Variants in ZNF644 observed in about 807,000 individuals in gnomAD.
ZNF644 encodes the protein zinc finger motif enhancer binding protein 2.
A neutral mutation model predicts 108.0 loss-of-function variants in ZNF644; 20 were observed. The ratio of observed to expected loss-of-function variants is 0.19; its 90% confidence interval spans 0.13 to 0.27. The LOEUF is 0.27. Ranked by LOEUF, ZNF644 falls within the 10% of genes least tolerant of loss-of-function variation. The pLI, the probability that ZNF644 is intolerant of heterozygous loss-of-function variation, is 1.00. For synonymous variants in ZNF644, 542 were observed against 539.1 expected, an observed-to-expected ratio of 1.01 and a Z score of -0.08; for missense variants, 1,338 against 1,548.9, an observed-to-expected ratio of 0.86 and a Z score of 2.29.
chr1:90,965,457 C>T lies in ZNF644; in HGVS notation c.44+16853G>A, dbSNP rs146615084. Reference sequence around the variant, plus strand: ...TTCAACTTGATTACCTCTATAAAGACCCTATATTTCCAAGTGAGGTTATAG... The same window carrying T: ...TTCAACTTGATTACCTCTATAAAGATCCTATATTTCCAAGTGAGGTTATAG... On this transcript the variant is annotated intron_variant, in intron 2 of 5. Transcript: ENST00000337393. Among the ~76,000 whole-genome samples, 7 of 152,214 alleles carry T rather than the reference C, an allele frequency of 4.6e-5. No homozygotes were observed. The East Asian group carries it at 1.4e-3, about 29-fold the overall frequency.
intron 4 of ZNF644, among the ~76,000 whole-genome samples, chr1:90,933,647 G>C (rs894920066): frequency 4.7e-5 from 7 of 147,548 alleles, no homozygotes; most frequent in Non-Finnish European, 9.0e-5. Context: ...CTGGGTGACA[G>C]AGCGAGACTC....
At chr1:90,941,583 T>C (rs1421907307) in intron 2 of ZNF644, among the ~76,000 whole-genome samples, 2 of 151,880 alleles carry the variant, frequency 1.3e-5, no homozygotes, top group Non-Finnish European at 2.9e-5. Flanking sequence ...ACAAACACAC[T>C]AGGGAAAAGC....
chr1:90,992,766 G>A (rs985955866), intron 1 of ZNF644, among the ~76,000 whole-genome samples: 8 of 152,152 alleles, frequency 5.3e-5, no homozygotes, highest in East Asian at 1.9e-4. Flanking sequence ...GAGGTGGTCC[G>A]CCAGGTGCAG....
At chr1:90,927,764 T>A (rs1397265027) in intron 4 of ZNF644, among the ~76,000 whole-genome samples, 1 of 152,142 alleles carries the variant, frequency 6.6e-6, no homozygotes. Flanking sequence ...AATATAAGTT[T>A]AACCATACCA....
chr1:90,986,035 G>C (rs1032423583), intron 1 of ZNF644, among the ~76,000 whole-genome samples: 4 of 152,030 alleles, frequency 2.6e-5, no homozygotes, highest in Non-Finnish European at 4.4e-5. Flanking sequence ...ATGATAGAAA[G>C]TATTTTAAAA....
At position 90,937,776 on chromosome 1, in the gene ZNF644, T is replaced by C; in HGVS notation, c.3397A>G (p.Lys1133Glu). The change falls in exon 4 of 6, where the codon AAG (lysine) becomes GAG (glutamate). Residue 1133 changes from lysine (K) to glutamate (E), a missense_variant. Lys to Glu is a moderately conservative substitution (Grantham distance 56). This residue lies in a region of ZNF644 where 287 missense variants were observed against 310.9 expected (regional missense o/e 0.92). Transcript: ENST00000337393. The stretch of plus-strand genomic sequence containing the variant: ...GCAGACACTGACAGAGCTTCAGTCT[T>C]TAGGCCATTACGGTATGCTTCAAGA... ...IPLEAYRNGL[K>E]TEALSVSASE... The C allele has an allele frequency of 6.2e-7, 1 of 1,613,906 alleles. No individual in the cohort carries two copies. The highest frequency in any genetic ancestry group is 1.3e-5 in the African/African-American group (1 of 75,048).
intron 2 of ZNF644, among the ~76,000 whole-genome samples, chr1:90,962,271 T>C (rs1654407973): frequency 6.6e-6 from 1 of 151,944 alleles, no homozygotes; most frequent in African/African-American, 2.4e-5. Context: ...TGCCATGTAA[T>C]TAAAACACCA....
chr1:90,982,638 T>C (rs1487818332), intron 1 of ZNF644, among the ~76,000 whole-genome samples: 2 of 152,016 alleles, frequency 1.3e-5, no homozygotes, highest in East Asian at 3.9e-4. Context: ...TAAAAAAAAT[T>C]CTAAATTGTT....
intron 2 of ZNF644, among the ~76,000 whole-genome samples, chr1:90,959,287 A>G (rs1435864218): frequency 6.6e-6 from 1 of 152,212 alleles, no homozygotes; most frequent in Admixed American, 6.5e-5. Context: ...ATGTAGAGAA[A>G]CAGAGACCCT....
chr1:90,995,643 A>G (rs1658078234), intron 1 of ZNF644, among the ~76,000 whole-genome samples: 1 of 152,192 alleles, frequency 6.6e-6, no homozygotes, highest in African/African-American at 2.4e-5. Flanking sequence ...CCAAAGAAAA[A>G]TGACTGGTTA....
intron 1 of ZNF644, among the ~76,000 whole-genome samples, chr1:91,013,526 T>A (rs1660167279): frequency 6.6e-6 from 1 of 151,260 alleles, no homozygotes; most frequent in Admixed American, 6.6e-5. Flanking sequence ...CCAAATTCCC[T>A]AAACTGGATT....
intron 2 of ZNF644, among the ~76,000 whole-genome samples, chr1:90,954,816 G>A (rs551326641): frequency 7.2e-5 from 11 of 152,226 alleles, no homozygotes; most frequent in East Asian, 5.8e-4. Flanking sequence ...GGTTGAAATC[G>A]ACTTCTTCCA....
chr1:90,976,918 T>C (rs1656069974), intron 2 of ZNF644, among the ~76,000 whole-genome samples: 1 of 152,014 alleles, frequency 6.6e-6, no homozygotes, highest in Admixed American at 6.5e-5. Flanking sequence ...TATTAAAAAA[T>C]ACCAAAATAT....
At chr1:90,988,856 CCTTA>C (rs1489320044) in intron 1 of ZNF644, among the ~76,000 whole-genome samples, 2 of 152,174 alleles carry the variant, frequency 1.3e-5, no homozygotes, top group East Asian at 3.9e-4. Flanking sequence ...GAAGTCGGAC[CCTTA>C]CTTACACCAC....
chr1:90,986,475 T>C (rs994809102), intron 1 of ZNF644, among the ~76,000 whole-genome samples: 1 of 152,088 alleles, frequency 6.6e-6, no homozygotes, highest in African/African-American at 2.4e-5. Context: ...CTTTAGTTAA[T>C]AATAATGTGT....
At chr1:90,964,468 C>G (rs984649770) in intron 2 of ZNF644, among the ~76,000 whole-genome samples, 2 of 152,032 alleles carry the variant, frequency 1.3e-5, no homozygotes, top group Non-Finnish European at 2.9e-5. Context: ...TTTTATATTC[C>G]ATGACATTTT....
rs1483085400 is a variant in ZNF644, at chr1:90,916,973, A to T, written c.3809T>A (p.Phe1270Tyr). 1 of 1,614,120 alleles carries T rather than the reference A, an allele frequency of 6.2e-7. No individual in the cohort carries two copies. Among genetic ancestry groups the T allele is most frequent in the Non-Finnish European group, 8.5e-7 (1 of 1,180,038 alleles). Residue 1270 changes from phenylalanine to tyrosine, a missense_variant, in exon 6 of 6, where the codon TTT (phenylalanine) becomes TAT (tyrosine). By Grantham distance (22) the Phe-to-Tyr change is conservative. Coordinates refer to ENST00000337393, the MANE Select transcript of ZNF644 (RefSeq NM_201269.3). ...ILRCRFCGLVFRGPLSVQEDW... is the reference protein window; with the variant it reads ...ILRCRFCGLVYRGPLSVQEDW... ...TTCCTGAACAGACAAGGGTCCTCGA[A>T]AGACTAGGCCACAAAACCTACAGAA...
Position 90,939,105 on chromosome 1 carries a change from A to G in ZNF644, c.2249T>C (p.Ile750Thr), listed in dbSNP as rs754778635. Residue 750 changes from isoleucine (I) to threonine (T), a missense_variant, in exon 3 of 6, where the codon ATC (isoleucine) becomes ACC (threonine). Transcript: ENST00000337393. Reference protein sequence around the residue: ...YRHKYENYRMIKKSGESYPVH... With the variant: ...YRHKYENYRMTKKSGESYPVH... ...AGGATATGATTCACCTGATTTTTTG[A>G]TCATCCTATAGTTTTCATATTTGTG... 56 of 1,613,804 alleles carry G rather than the reference A, an allele frequency of 3.5e-5. No individual in the cohort carries two copies. Among genetic ancestry groups the G allele is most frequent in the Non-Finnish European group, 4.7e-5 (55 of 1,179,906 alleles).
chr1:91,003,691 A>G (rs1406425656), intron 1 of ZNF644, among the ~76,000 whole-genome samples: 1 of 152,072 alleles, frequency 6.6e-6, no homozygotes, highest in Non-Finnish European at 1.5e-5. Context: ...TAATATCAAA[A>G]AAAAATACAA....
Sources: allele counts gnomAD v4.1 joint callset (sites outside exome capture counted in the v4.1 genomes callset), GRCh38; gene constraint gnomAD v4.1.1; regional missense constraint gnomAD v4.1.1; transcripts MANE v1.5; gene names NCBI Gene and HGNC (gene_info 2026-07-23, HGNC 2026-07-21).